Variants in KCNIP4 observed in about 807,000 individuals in gnomAD.
KCNIP4 encodes the protein potassium voltage-gated channel interacting protein 4, also known as Kv channel-interacting protein 4.
Under a neutral mutation model 34.0 loss-of-function variants are expected in KCNIP4, and 12 were observed. That is an observed-to-expected ratio of 0.35 (90% CI 0.23 to 0.57). KCNIP4 has a LOEUF of 0.57. Among genes scored for constraint, KCNIP4 ranks in the 20% least tolerant of loss-of-function variants. The probability of loss-of-function intolerance (pLI) is 0.83; values close to 1 mark genes in which losing one functional copy is unlikely to be tolerated. For missense variants in KCNIP4, 238 were observed against 311.7 expected (o/e 0.76, Z 1.78); for synonymous variants, 124 against 102.2 (o/e 1.21, Z -1.29).
chr4:20,987,230 T>C (rs879935922), intron 1 of KCNIP4, among the ~76,000 whole-genome samples: 2 of 152,150 alleles, frequency 1.3e-5, no homozygotes, highest in African/African-American at 2.4e-5. Flanking sequence ...CCTCTATTTT[T>C]AATGTTTAAA....
chr4:21,580,411 AC>A (rs1484358655), intron 1 of KCNIP4, among the ~76,000 whole-genome samples: 1 of 152,108 alleles, frequency 6.6e-6, no homozygotes, highest in African/African-American at 2.4e-5. Flanking sequence ...TTCTTTGTAT[AC>A]GAAAGTTTTG....
At chr4:21,074,896 C>T (rs980206922) in intron 1 of KCNIP4, among the ~76,000 whole-genome samples, 3 of 152,106 alleles carry the variant, frequency 2.0e-5, no homozygotes, top group African/African-American at 7.2e-5. Flanking sequence ...TCGTTATGTA[C>T]CCAGTAGTCA....
chr4:21,238,598 A>C (rs1179052451), intron 1 of KCNIP4, among the ~76,000 whole-genome samples: 1 of 152,200 alleles, frequency 6.6e-6, no homozygotes, highest in African/African-American at 2.4e-5. Context: ...AGACAAACAG[A>C]GCCAAATCAT....
intron 1 of KCNIP4, among the ~76,000 whole-genome samples, chr4:21,856,303 C>A (rs1360108887): frequency 6.6e-6 from 1 of 152,176 alleles, no homozygotes; most frequent in Non-Finnish European, 1.5e-5. Flanking sequence ...GAGGGATAAT[C>A]CCAAATGGGG....
chr4:21,130,058 G>A (rs1241389281), intron 1 of KCNIP4, among the ~76,000 whole-genome samples: 4 of 152,034 alleles, frequency 2.6e-5, no homozygotes, highest in Admixed American at 6.5e-5. Flanking sequence ...GACCTAGGAG[G>A]GAGCCTTGAA....
chr4:21,238,367 A>C (rs1265263347), intron 1 of KCNIP4, among the ~76,000 whole-genome samples: 3 of 152,192 alleles, frequency 2.0e-5, no homozygotes, highest in Non-Finnish European at 4.4e-5. Flanking sequence ...ATAATGTTGG[A>C]AGTGCTGGCC....
At chr4:21,841,857 A>G (rs781727909) in intron 1 of KCNIP4, among the ~76,000 whole-genome samples, 58 of 152,150 alleles carry the variant, frequency 3.8e-4, no homozygotes, top group Admixed American at 1.0e-3. Flanking sequence ...GAGTCAGTGC[A>G]CTTAAGATTA....
At chr4:21,585,331 A>G (rs1286654409) in intron 1 of KCNIP4, among the ~76,000 whole-genome samples, 6 of 152,062 alleles carry the variant, frequency 3.9e-5, no homozygotes, top group African/African-American at 1.4e-4. Flanking sequence ...GATCCTACTT[A>G]CTATGCTTCA....
chr4:20,832,655 G>A (rs1215165336), intron 3 of KCNIP4, among the ~76,000 whole-genome samples: 2 of 150,620 alleles, frequency 1.3e-5, no homozygotes, highest in African/African-American at 2.4e-5. Context: ...TACCTACAAT[G>A]GTTGAAAAAT....
chr4:21,197,672 G>A (rs1182377331), intron 1 of KCNIP4, among the ~76,000 whole-genome samples: 1 of 152,030 alleles, frequency 6.6e-6, no homozygotes, highest in Admixed American at 6.6e-5. Flanking sequence ...TTTCAGCAGA[G>A]CTCCAATCCA....
intron 1 of KCNIP4, among the ~76,000 whole-genome samples, chr4:21,206,328 G>A (rs958671292): frequency 2.0e-5 from 3 of 152,190 alleles, no homozygotes; most frequent in African/African-American, 7.2e-5. Context: ...AAAGGTTCAA[G>A]TCCAAATTAG....
At chr4:21,687,889 AG>A (rs1177490304) in intron 1 of KCNIP4, among the ~76,000 whole-genome samples, 1 of 152,096 alleles carries the variant, frequency 6.6e-6, no homozygotes, top group African/African-American at 2.4e-5. Flanking sequence ...TGAATTTGAG[AG>A]GGGAAAACTG....
intron 1 of KCNIP4, among the ~76,000 whole-genome samples, chr4:21,715,449 C>T (rs1358617117): frequency 1.3e-5 from 2 of 151,986 alleles, no homozygotes; most frequent in Non-Finnish European, 2.9e-5. Flanking sequence ...TTATTTTACA[C>T]AACCAAGTTA....
chr4:21,372,937 G>A (rs2109445937), intron 1 of KCNIP4, among the ~76,000 whole-genome samples: 1 of 145,838 alleles, frequency 6.9e-6, no homozygotes, highest in South Asian at 2.1e-4. Flanking sequence ...ATGAAACTTA[G>A]CTGTGCCTCA....
intron 1 of KCNIP4, among the ~76,000 whole-genome samples, chr4:20,903,524 C>G (rs544213255): frequency 6.6e-6 from 1 of 152,116 alleles, no homozygotes; most frequent in Admixed American, 6.5e-5. Context: ...TTCTATTGAT[C>G]TCAGGTCTTT....
At position 21,884,448 on chromosome 4, in the gene KCNIP4, G is replaced by T. The variant is rs539084895; in HGVS notation, c.61+64123C>A. On this transcript the variant is annotated intron_variant, in intron 1 of 8. Transcript: ENST00000382152. ...GCCCCACAGTTAGAGGCCTGGTCTC[G>T]GCACAGTAGTTTCCCAAGATGGCCA... Among the ~76,000 whole-genome samples, 11 of 152,104 alleles carry T rather than the reference G, an allele frequency of 7.2e-5. No individual in the cohort carries two copies. In the South Asian group the frequency reaches 2.3e-3, roughly 32 times the overall value.
intron 1 of KCNIP4, among the ~76,000 whole-genome samples, chr4:21,340,270 T>C (rs1035332582): frequency 6.6e-6 from 1 of 152,044 alleles, no homozygotes; most frequent in Non-Finnish European, 1.5e-5. Flanking sequence ...ATCTCTCTCA[T>C]CTGTTGGCAG....
chr4:21,444,923 C>CAA lies in KCNIP4; in HGVS notation c.61+503647_61+503648insTT, dbSNP rs762133953. Among the ~76,000 whole-genome samples the CAA allele has an allele frequency of 2.0e-5, 3 of 151,868 alleles. No individual in the cohort carries two copies. In the East Asian group the frequency reaches 5.8e-4, roughly 29 times the overall value. On this transcript the variant is annotated intron_variant, in intron 1 of 8. Transcript: ENST00000382152. The stretch of plus-strand genomic sequence containing the variant: ...TCCTTAAGCTGATAAGCAACTTCAG[C>CAA]AGTCTCAGGATACAAAATCAATGTG...
At chr4:21,928,007 G>A (rs904461467) in intron 1 of KCNIP4, among the ~76,000 whole-genome samples, 6 of 151,824 alleles carry the variant, frequency 4.0e-5, no homozygotes, top group African/African-American at 1.5e-4. Flanking sequence ...GTCTACATAG[G>A]TTATAAGTAT....
Sources: gnomAD v4.1 joint callset for allele counts (sites outside exome capture counted in the v4.1 genomes callset) on GRCh38, gnomAD v4.1.1 for gene constraint, MANE v1.5 for transcripts, NCBI Gene and HGNC (gene_info 2026-07-23, HGNC 2026-07-21) for gene names.